Variants in PCSK6 observed in about 807,000 individuals in gnomAD.
PCSK6 encodes the protein proprotein convertase subtilisin/kexin type 6.
Under a neutral mutation model 123.3 loss-of-function variants are expected in PCSK6, and 85 were observed. The observed-to-expected ratio is 0.69, with a 90% CI of 0.58 to 0.83. The LOEUF is 0.83. PCSK6 is among the 40% of genes least tolerant of loss of function. The pLI, the probability that PCSK6 is intolerant of heterozygous loss-of-function variation, is 0.00. For missense variants in PCSK6, 1,191 were observed against 1,282.3 expected (o/e 0.93, Z 1.09); for synonymous variants, 508 against 516.0 (o/e 0.98, Z 0.21).
intron 1 of PCSK6, among the ~76,000 whole-genome samples, chr15:101,448,637 T>C (rs1355985641): frequency 6.6e-6 from 1 of 152,248 alleles, no homozygotes; most frequent in Non-Finnish European, 1.5e-5. Context: ...GTAGATGTTA[T>C]GACCATCCTC....
At chr15:101,400,253 TC>T (rs1199334118) in intron 6 of PCSK6, among the ~76,000 whole-genome samples, 1 of 152,102 alleles carries the variant, frequency 6.6e-6, no homozygotes, top group Admixed American at 6.5e-5. Context: ...ATCCTTTTTT[TC>T]CCCCACTGAG....
intron 8 of PCSK6, 34 bp downstream of exon 8, chr15:101,393,178 A>T: frequency 6.6e-7 from 1 of 1,513,008 alleles, no homozygotes; most frequent in Non-Finnish European, 9.1e-7. Flanking sequence ...TGAGGCACTC[A>T]CTGTAAGCAC....
chr15:101,336,287 TA>T (rs1198925981), intron 13 of PCSK6, among the ~76,000 whole-genome samples: 1 of 152,248 alleles, frequency 6.6e-6, no homozygotes, highest in Non-Finnish European at 1.5e-5. Context: ...CTTTGGAGAT[TA>T]AATGACTTCA....
chr15:101,443,832 G>A (rs2056819938), intron 1 of PCSK6, among the ~76,000 whole-genome samples, 172 bp from the exon 2 acceptor site: 2 of 152,182 alleles, frequency 1.3e-5, no homozygotes, highest in South Asian at 2.1e-4. Flanking sequence ...GTTTATAAAC[G>A]TGAAGGTGGA....
At chr15:101,321,861 C>G (rs1465561477) in intron 18 of PCSK6, among the ~76,000 whole-genome samples, 1 of 152,200 alleles carries the variant, frequency 6.6e-6, no homozygotes, top group Non-Finnish European at 1.5e-5. Flanking sequence ...GGGAGTGTCC[C>G]CCAAAAAATT....
chr15:101,464,053 G>C (rs561111993), intron 1 of PCSK6, among the ~76,000 whole-genome samples: 1 of 152,148 alleles, frequency 6.6e-6, no homozygotes, highest in Non-Finnish European at 1.5e-5. Flanking sequence ...GGGCAGGGAA[G>C]ACAGTGGTTT....
intron 2 of PCSK6, among the ~76,000 whole-genome samples, chr15:101,441,898 C>T (rs888899266): frequency 6.6e-6 from 1 of 152,174 alleles, no homozygotes; most frequent in Non-Finnish European, 1.5e-5. Context: ...CTGCGTCGAC[C>T]TCTTTCCTAG....
intron 2 of PCSK6, among the ~76,000 whole-genome samples, chr15:101,440,349 C>T (rs1596335170): frequency 6.6e-6 from 1 of 152,168 alleles, no homozygotes; most frequent in African/African-American, 2.4e-5. Flanking sequence ...TGTACCATTC[C>T]GGTACAGGAT....
intron 1 of PCSK6, among the ~76,000 whole-genome samples, chr15:101,456,998 C>T (rs1201241675): frequency 3.9e-5 from 6 of 152,118 alleles, no homozygotes; most frequent in East Asian, 1.9e-4. Context: ...ATGGTGAAAC[C>T]CCGTCTCTAC....
rs934617023 is a variant in PCSK6 at position 101,318,396 on chromosome 15, T to G, written c.2492A>C (p.Asp831Ala). The change falls in exon 19 of 22, where the codon GAC becomes GCC. Residue 831 changes from aspartate (D) to alanine (A), a missense_variant. By Grantham distance (126) the Asp-to-Ala change is moderately radical. Around this residue, in one of 3 missense-constraint regions of PCSK6, gnomAD observed 630 missense variants for 631.4 expected, o/e 1.00. Transcript: ENST00000611716. ...FSLARGSCIP[D>A]CEPGTYFDSE... ...GTCAAAGTAGGTGCCTGGCTCACAG[T>G]CAGGAATGCAGCTGCCCCGTGCAAG... 1.3e-5 allele frequency: 21 copies of G among 1,562,444 alleles called. No individual in the cohort carries two copies. The highest frequency in any genetic ancestry group is 1.6e-5 in the Non-Finnish European group (19 of 1,153,382).
At chr15:101,349,798 C>A (rs2040843890) in intron 13 of PCSK6, among the ~76,000 whole-genome samples, 1 of 152,198 alleles carries the variant, frequency 6.6e-6, no homozygotes. Context: ...ACTCTGTGGC[C>A]CCGAGTGCAG....
At chr15:101,343,371 A>C (rs1315112726) in intron 13 of PCSK6, among the ~76,000 whole-genome samples, 1 of 151,822 alleles carries the variant, frequency 6.6e-6, no homozygotes, top group Non-Finnish European at 1.5e-5. Context: ...TATTTTAAAA[A>C]TTCCTTCTTT....
At chr15:101,372,422 G>C (rs2041613255) in intron 11 of PCSK6, among the ~76,000 whole-genome samples, 1 of 152,242 alleles carries the variant, frequency 6.6e-6, no homozygotes, top group African/African-American at 2.4e-5. Flanking sequence ...CGGAGACTCT[G>C]TAAGTATTTG....
At chr15:101,364,240 A>G (rs530312593) in intron 13 of PCSK6, among the ~76,000 whole-genome samples, 1 of 152,346 alleles carries the variant, frequency 6.6e-6, no homozygotes, top group African/African-American at 2.4e-5. Context: ...ACGACGGAAC[A>G]GTGAAAGCAA....
In PCSK6 at chr15:101,443,596, C is replaced by T. The variant is rs1455041437; in HGVS notation, c.362G>A (p.Ser121Asn). 6.8e-6 allele frequency: 11 copies of T among 1,613,832 alleles called. No individual in the cohort carries two copies. Among genetic ancestry groups the T allele is most frequent in the Non-Finnish European group, 9.3e-6 (11 of 1,179,854 alleles). The change falls in exon 2 of 22, where the codon AGT becomes AAT. Residue 121 changes from serine to asparagine, a missense_variant. Around this residue, in one of 3 missense-constraint regions of PCSK6, gnomAD observed 204 missense variants for 166.4 expected, o/e 1.23. Coordinates refer to ENST00000611716, the MANE Select transcript of PCSK6 (RefSeq NM_002570.5). ...HSKTFKRSTL[S>N]SRGPHTFLRM... is the part of the protein sequence containing the mutation. ...GAGGAAGGTGTGAGGGCCTCTGCTACTCAAGGTTGATCTTTTAAAGGTTTT... is the reference window on the plus strand; with the variant it reads ...GAGGAAGGTGTGAGGGCCTCTGCTATTCAAGGTTGATCTTTTAAAGGTTTT...
intron 1 of PCSK6, among the ~76,000 whole-genome samples, chr15:101,473,621 G>A (rs1198689329): frequency 6.6e-6 from 1 of 152,208 alleles, no homozygotes; most frequent in Admixed American, 6.5e-5. Flanking sequence ...TGCATCTTGT[G>A]CTAAAATGAA....
chr15:101,416,716 G>A (rs1019367535), intron 6 of PCSK6, among the ~76,000 whole-genome samples: 3 of 152,368 alleles, frequency 2.0e-5, no homozygotes, highest in Admixed American at 6.5e-5. Context: ...CACGTCAGTC[G>A]TGGCTGAAAG....
At chr15:101,318,541 C>G (rs763832670) in intron 18 of PCSK6, 119 bp from the exon 19 acceptor site, 4 of 834,396 alleles carry the variant, frequency 4.8e-6, no homozygotes, top group Non-Finnish European at 7.7e-6. Flanking sequence ...TTTGTGTCAC[C>G]GAAAGTTCTC....
chr15:101,377,199 CT>C (rs1336148529), intron 11 of PCSK6, among the ~76,000 whole-genome samples: 12 of 13,082 alleles, frequency 9.2e-4, no homozygotes, highest in African/African-American at 1.1e-3. Context: ...AGCAGCTGTG[CT>C]CTTAGGCACT....
Sources: gnomAD v4.1 joint callset for allele counts (sites outside exome capture counted in the v4.1 genomes callset) on GRCh38, gnomAD v4.1.1 for gene constraint, gnomAD v4.1.1 regional missense constraint, MANE v1.5 for transcripts, NCBI Gene and HGNC (gene_info 2026-07-23, HGNC 2026-07-21) for gene names.